Variants in MRPL44 observed in about 807,000 individuals in gnomAD.
The protein encoded by MRPL44 is mitochondrial ribosomal protein L44, also known as large ribosomal subunit protein mL44.
In MRPL44, 21 loss-of-function variants were observed where a neutral mutation model predicts 25.9. The ratio of observed to expected loss-of-function variants is 0.81; its 90% CI spans 0.58 to 1.17. The LOEUF is 1.17. Ranked by LOEUF, MRPL44 falls within the 50% of genes most tolerant of loss-of-function variation. The probability of loss-of-function intolerance (pLI) is 0.00; values close to 1 mark genes in which losing one functional copy is unlikely to be tolerated. For missense variants in MRPL44, 410 were observed against 398.9 expected (o/e 1.03, Z -0.24); for synonymous variants, 169 against 151.0 (o/e 1.12, Z -0.87).
intron 1 of MRPL44, among the ~76,000 whole-genome samples, chr2:223,958,537 G>A (rs1030606378): frequency 6.6e-6 from 1 of 152,176 alleles, no homozygotes; most frequent in Non-Finnish European, 1.5e-5. Flanking sequence ...TCTCAAAGGT[G>A]GAAGAAACTT....
At chr2:223,966,140 G>T (rs901894603) in intron 3 of MRPL44, among the ~76,000 whole-genome samples, 1 of 152,036 alleles carries the variant, frequency 6.6e-6, no homozygotes, top group African/African-American at 2.4e-5. Flanking sequence ...GGAGGCTGAG[G>T]CAGGAGAATG....
At chr2:223,959,253 A>G (rs1342589608) in intron 1 of MRPL44, among the ~76,000 whole-genome samples, 1 of 152,216 alleles carries the variant, frequency 6.6e-6, no homozygotes, top group Non-Finnish European at 1.5e-5. Flanking sequence ...CCTAAAAGTT[A>G]GGCTAATGGC....
chr2:223,957,256 G>A (rs770570737), upstream of MRPL44: 1 of 611,128 alleles, frequency 1.6e-6, no homozygotes, highest in Non-Finnish European at 2.9e-6. Flanking sequence ...AACTCGAAGA[G>A]AGGAGAGAAC....
rs765101305 is a variant in MRPL44, at chr2:223,959,722, A to G, written c.368A>G (p.Gln123Arg). The part of the protein sequence containing the change: ...EAVLLNLKSN[Q>R]ELSEQGTSFS... The stretch of plus-strand genomic sequence containing the variant: ...GTTCTTCTGAATCTTAAAAGTAATC[A>G]AGAACTATCCGAACAAGGGACATCT... The change falls in exon 2 of 4, where the codon CAA becomes CGA. Residue 123 changes from glutamine (Q) to arginine (R), a missense_variant. By Grantham distance (43) the Gln-to-Arg change is conservative (BLOSUM62 1). Coordinates refer to ENST00000258383, the MANE Select transcript of MRPL44 (RefSeq NM_022915.5). The G allele has an allele frequency of 6.2e-6, 10 of 1,614,246 alleles. No homozygotes were observed. The highest frequency in any genetic ancestry group is 1.7e-5 in the Admixed American group (1 of 60,032).
At chr2:223,954,452 G>C, upstream of MRPL44, among the ~76,000 whole-genome samples, 1 of 152,240 alleles carries the variant, frequency 6.6e-6, no homozygotes, top group East Asian at 1.9e-4. Context: ...TTTGGGAGCA[G>C]TTTAGCTGGG....
intron 3 of MRPL44, among the ~76,000 whole-genome samples, chr2:223,966,433 T>G (rs1048220116): frequency 2.0e-5 from 3 of 152,152 alleles, no homozygotes; most frequent in African/African-American, 7.2e-5. Context: ...GATAATATTT[T>G]TACTAGTTTC....
In MRPL44 at chr2:223,957,636, C is replaced by A; in HGVS notation, c.164C>A (p.Pro55Gln). ...LERQRLLRCP[P>Q]PPVRRSEKPN... ...CGGCAGCGCCTTCTGCGGTGCCCGCCGCCGCCCGTGCGCCGGTAGGAGCCA... is the reference window on the plus strand; with the variant it reads ...CGGCAGCGCCTTCTGCGGTGCCCGCAGCCGCCCGTGCGCCGGTAGGAGCCA... Residue 55 changes from proline to glutamine, a missense_variant, in exon 1 of 4, where the codon CCG (proline) becomes CAG (glutamine). Transcript: ENST00000258383. The A allele has an allele frequency of 1.2e-6, 2 of 1,608,246 alleles. No homozygotes were observed. Among genetic ancestry groups the A allele is most frequent in the Non-Finnish European group, 1.7e-6 (2 of 1,179,542 alleles).
At chr2:223,960,126 T>G (rs560306489) in intron 2 of MRPL44, 124 bp downstream of exon 2, 5 of 727,110 alleles carry the variant, frequency 6.9e-6, no homozygotes, top group African/African-American at 1.8e-5. Flanking sequence ...GAGAAAGACC[T>G]AAAGGTTTTT....
chr2:223,966,711 A>G (rs1421013299), intron 3 of MRPL44, 152 bp from the exon 4 acceptor site: 2 of 575,356 alleles, frequency 3.5e-6, no homozygotes, highest in Admixed American at 3.7e-5. Flanking sequence ...AAATCTAGTT[A>G]AAATCCAAAA....
At chr2:223,953,118 C>G (rs553268586), upstream of MRPL44, among the ~76,000 whole-genome samples, 2 of 151,560 alleles carry the variant, frequency 1.3e-5, no homozygotes, top group South Asian at 4.2e-4. Context: ...TATGCAGTAT[C>G]CAGATTATCC....
chr2:223,961,101 T>A (rs547285975), intron 2 of MRPL44, among the ~76,000 whole-genome samples: 2 of 152,330 alleles, frequency 1.3e-5, no homozygotes, highest in Non-Finnish European at 2.9e-5. Context: ...TCTGCTGAGC[T>A]CTGAAGCCGC....
intron 1 of MRPL44, among the ~76,000 whole-genome samples, chr2:223,959,008 T>C (rs777746433): frequency 6.6e-6 from 1 of 152,198 alleles, no homozygotes. Context: ...TGAAGCACAA[T>C]AGACCGAAGT....
the MRPL44 span, among the ~76,000 whole-genome samples, chr2:223,951,263 G>A: frequency 1.3e-5 from 2 of 152,280 alleles, no homozygotes; most frequent in South Asian, 4.1e-4. Context: ...CAGCCTCTTG[G>A]AACTGCTAGA....
the MRPL44 span, among the ~76,000 whole-genome samples, chr2:223,951,478 G>GTTTTTTTTTGTTTTGTTTTGTTTTTTTT: frequency 8.9e-6 from 1 of 112,560 alleles, no homozygotes; most frequent in Non-Finnish European, 1.8e-5. Flanking sequence ...TTACCTTGGA[G>GTTTTTTTTTGTTTTGTTTTGTTTTTTTT]TTTTTTTTTT....
rs1488205689 is a variant in MRPL44 at position 223,967,163 on chromosome 2, A to G, written c.*129A>G. ...GTTTCTGTTTTTTACTGTGTTCCCA[A>G]AATTAAATAAGTGTTAACCAAGTCA... On this transcript the variant is annotated 3_prime_UTR_variant, in exon 4 of 4. Coordinates refer to ENST00000258383, the MANE Select transcript of MRPL44 (RefSeq NM_022915.5). 5.6e-6 allele frequency: 5 copies of G among 896,400 alleles called. No homozygotes were observed. Among genetic ancestry groups the G allele is most frequent in the South Asian group, 2.2e-5 (1 of 46,284 alleles). The allele number at this position is 896,400 out of a possible 1,614,324, so 55.5% of individuals were successfully genotyped here.
In MRPL44 at chr2:223,966,854, TCTTTCTAGTGATAAAAAGTTGATTG is replaced by T; in HGVS notation, c.828-7_845del. 1 of 1,609,180 alleles carries T rather than the reference TCTTTCTAGTGATAAAAAGTTGATTG, an allele frequency of 6.2e-7. No homozygotes were observed. Among genetic ancestry groups the T allele is most frequent in the Non-Finnish European group, 8.5e-7 (1 of 1,178,346 alleles). ...TGTAATTTAAGACTACTGTTTGTTC[TCTTTCTAGTGATAAAAAGTTGATTG>T]CAGAAGGACCTGGGGAAACAGTATT... On this transcript the variant is annotated splice_acceptor_variant and splice_polypyrimidine_tract_variant and coding_sequence_variant and intron_variant, in exon 4 of 4. Coordinates refer to ENST00000258383, the MANE Select transcript of MRPL44 (RefSeq NM_022915.5). LOFTEE classifies it high-confidence loss of function.
rs777622358 is a variant in MRPL44 at position 223,966,843 on chromosome 2, A to G, written c.828-20A>G. On this transcript the variant is annotated intron_variant, in intron 3 of 3. Transcript: ENST00000258383. ...ACAATATTCCATGTAATTTAAGACT[A>G]CTGTTTGTTCTCTTTCTAGTGATAA... 76 of 1,603,982 alleles carry G rather than the reference A, an allele frequency of 4.7e-5. 1 individual carries two copies. In the South Asian group the frequency reaches 8.1e-4, roughly 17 times the overall value.
chr2:223,965,053 A>AT (rs1446552496), intron 3 of MRPL44, among the ~76,000 whole-genome samples: 1 of 152,192 alleles, frequency 6.6e-6, no homozygotes, highest in Non-Finnish European at 1.5e-5. Context: ...CTAAAAAAAA[A>AT]AATGTAAGAA....
At chr2:223,952,716 T>C (rs1325928205), upstream of MRPL44, among the ~76,000 whole-genome samples, 3 of 152,222 alleles carry the variant, frequency 2.0e-5, no homozygotes, top group Admixed American at 6.5e-5. Context: ...CTTGTAAAAG[T>C]AGCCGAGTCT....
Sources: gnomAD v4.1 joint callset for allele counts (sites outside exome capture counted in the v4.1 genomes callset) on GRCh38, gnomAD v4.1.1 for gene constraint, MANE v1.5 for transcripts, NCBI Gene and HGNC (gene_info 2026-07-23, HGNC 2026-07-21) for gene names.